The following NAV3 variants were observed in gnomAD, a reference collection of about 807,000 sequenced individuals.
NAV3 encodes the protein pore membrane and/or filament interacting like protein 1.
In NAV3, 87 loss-of-function variants were observed where a neutral mutation model predicts 244.7. The observed-to-expected ratio is 0.36, with a 90% CI of 0.30 to 0.42. The LOEUF (loss-of-function observed/expected upper bound fraction) is 0.42. NAV3 is among the 20% of genes least tolerant of loss of function. The pLI is 1.00. For missense variants in NAV3, 2,663 were observed against 2,893.3 expected (o/e 0.92, Z 1.83); for synonymous variants, 1,126 against 1,042.2 (o/e 1.08, Z -1.55).
At chr12:78,104,848 C>CT (rs1390647186) in intron 12 of NAV3, among the ~76,000 whole-genome samples, 2 of 152,082 alleles carry the variant, frequency 1.3e-5, no homozygotes, top group Admixed American at 1.3e-4. Context: ...CTTATGTGGC[C>CT]TTTTGAATCT....
chr12:78,122,572 T>C (rs1955722172), intron 16 of NAV3, 144 bp downstream of exon 16: 7 of 998,842 alleles, frequency 7.0e-6, no homozygotes, highest in Non-Finnish European at 9.9e-6. Flanking sequence ...GCCTTTCATT[T>C]GCTCTCATTA....
At chr12:78,139,471 C>T (rs1956513096) in intron 19 of NAV3, among the ~76,000 whole-genome samples, 1 of 152,114 alleles carries the variant, frequency 6.6e-6, no homozygotes, top group African/African-American at 2.4e-5. Flanking sequence ...CTAGCAACAG[C>T]TTGTCACATC....
At chr12:77,685,308 G>A (rs373202912) in intron 2 of NAV3, among the ~76,000 whole-genome samples, 23 of 152,130 alleles carry the variant, frequency 1.5e-4, no homozygotes, top group African/African-American at 5.3e-4. Flanking sequence ...CTTTTGTGCA[G>A]TGAAACAAGT....
intron 24 of NAV3, among the ~76,000 whole-genome samples, chr12:78,169,229 T>C (rs1957902515): frequency 6.6e-6 from 1 of 151,716 alleles, no homozygotes; most frequent in African/African-American, 2.4e-5. Flanking sequence ...TTAATGAGTA[T>C]GATAATCTAG....
Position 78,050,931 on chromosome 12 carries a change from G to T in NAV3, c.2300G>T (p.Gly767Val), listed in dbSNP as rs2137252988. 1 of 1,614,002 alleles carries T rather than the reference G, an allele frequency of 6.2e-7. No homozygotes were observed. Among genetic ancestry groups the T allele is most frequent in the Non-Finnish European group, 8.5e-7 (1 of 1,180,000 alleles). Residue 767 changes from glycine (G) to valine (V), a missense_variant, in exon 11 of 40, where the codon GGT becomes GTT. By Grantham distance (109) the Gly-to-Val change is moderately radical (BLOSUM62 -3). Coordinates refer to ENST00000397909, the MANE Select transcript of NAV3 (RefSeq NM_001024383.2). The stretch of plus-strand genomic sequence containing the variant: ...CTGGGTGCTGGCTATCCTCGCAGTG[G>T]TACCAGTCGATTCATCCACACAGAC... ...PSLGAGYPRSGTSRFIHTDPS... is the reference protein window; with the variant it reads ...PSLGAGYPRSVTSRFIHTDPS...
intron 3 of NAV3, among the ~76,000 whole-genome samples, chr12:77,944,925 TG>T (rs1246829662): frequency 3.3e-5 from 5 of 152,208 alleles, no homozygotes. Flanking sequence ...TGTAACATGC[TG>T]TCAAATGTTA....
chr12:77,656,101 A>G (rs994871054), intron 2 of NAV3, among the ~76,000 whole-genome samples: 19 of 151,498 alleles, frequency 1.3e-4, no homozygotes, highest in African/African-American at 4.6e-4. Flanking sequence ...AAATTCACAC[A>G]TAACAATATT....
chr12:78,062,005 G>A (rs1281560921), intron 12 of NAV3, among the ~76,000 whole-genome samples: 1 of 151,972 alleles, frequency 6.6e-6, no homozygotes, highest in African/African-American at 2.4e-5. Flanking sequence ...CATTTTAAAG[G>A]CCAAAAAGTC....
chr12:77,774,372 C>T (rs1870244964), intron 2 of NAV3, among the ~76,000 whole-genome samples: 5 of 151,920 alleles, frequency 3.3e-5, no homozygotes, highest in Admixed American at 2.6e-4. Flanking sequence ...TCCCTGCCTA[C>T]TTTTCTGTAT....
chr12:78,187,350 C>G (rs4307763), intron 31 of NAV3, among the ~76,000 whole-genome samples: 58,733 of 151,510 alleles, frequency 0.39, 12,314 homozygotes, highest in Non-Finnish European at 0.48. Flanking sequence ...ACTCATGACT[C>G]AGTGATTATT....
intron 1 of NAV3, among the ~76,000 whole-genome samples, chr12:77,909,171 T>G (rs907053293): frequency 2.6e-5 from 4 of 152,206 alleles, no homozygotes; most frequent in African/African-American, 9.6e-5. Flanking sequence ...AGATTAACAT[T>G]ATTGGGTATA....
At chr12:77,970,202 AC>A (rs1348370959) in intron 5 of NAV3, among the ~76,000 whole-genome samples, 1 of 152,158 alleles carries the variant, frequency 6.6e-6, no homozygotes, top group Non-Finnish European at 1.5e-5. Context: ...GAAAATATAA[AC>A]ACTTGTCAAC....
At chr12:77,787,509 C>T (rs568148581) in intron 2 of NAV3, among the ~76,000 whole-genome samples, 8 of 152,138 alleles carry the variant, frequency 5.3e-5, no homozygotes, top group African/African-American at 1.4e-4. Context: ...CACATGGTGG[C>T]GGGAAGAGAA....
chr12:77,884,669 T>C (rs1214142952), intron 1 of NAV3, among the ~76,000 whole-genome samples: 2 of 152,158 alleles, frequency 1.3e-5, no homozygotes, highest in African/African-American at 4.8e-5. Context: ...CTTACATTGA[T>C]GGCGGATCTT....
Position 77,998,373 on chromosome 12 carries a change from C to A in NAV3, c.777C>A (p.Ser259Arg). ...PGPSRVPAAG[S>R]SSKVQGASNL... ...CCTCTAGGGTGCCTGCTGCAGGAAG[C>A]AGCAGCAAGGTCCAGGGAGCCTCTA... Residue 259 changes from serine (S) to arginine (R), a missense_variant, in exon 7 of 40, where the codon AGC (serine) becomes AGA (arginine). Around this residue, in one of 6 missense-constraint regions of NAV3, gnomAD observed 1,521 missense variants for 1,497.0 expected, o/e 1.02. Coordinates refer to ENST00000397909, the MANE Select transcript of NAV3 (RefSeq NM_001024383.2). 1.2e-6 allele frequency: 2 copies of A among 1,604,228 alleles called. No individual in the cohort carries two copies. The highest frequency in any genetic ancestry group is 1.1e-5 in the South Asian group (1 of 89,736).
intron 2 of NAV3, among the ~76,000 whole-genome samples, chr12:77,755,585 C>T (rs377272533): frequency 9.6e-4 from 13 of 13,522 alleles, no homozygotes; most frequent in East Asian, 4.5e-3. Flanking sequence ...TTCCTTTCCT[C>T]CCTCCCTCCC....
intron 12 of NAV3, among the ~76,000 whole-genome samples, chr12:78,106,624 T>G (rs2138314673): frequency 6.6e-6 from 1 of 152,260 alleles, no homozygotes; most frequent in South Asian, 2.1e-4. Context: ...ACTGTCTGGG[T>G]TCCAGTAGGT....
rs546705373 is a variant in NAV3, at chr12:78,181,531, C to G, written c.5692+486C>G. 2.0e-5 allele frequency among the ~76,000 whole-genome samples: 3 copies of G among 152,138 alleles called. No homozygotes were observed. In the East Asian group the frequency reaches 5.8e-4, roughly 30 times the overall value. ...AAATTTCCAACAAAGATAAAGAACA[C>G]AGTACTAGTGATGGAACAAGGGTAC... On this transcript the variant is annotated intron_variant, in intron 30 of 39. Transcript: ENST00000397909.
At chr12:77,969,377 C>A (rs533872253) in intron 5 of NAV3, among the ~76,000 whole-genome samples, 1 of 151,906 alleles carries the variant, frequency 6.6e-6, no homozygotes. Context: ...TGATATATAA[C>A]AAGAGATTTA....
Sources: gnomAD v4.1 joint callset for allele counts (sites outside exome capture counted in the v4.1 genomes callset) on GRCh38, gnomAD v4.1.1 for gene constraint, gnomAD v4.1.1 regional missense constraint, MANE v1.5 for transcripts, NCBI Gene and HGNC (gene_info 2026-07-23, HGNC 2026-07-21) for gene names.